The following KIF26B variants were observed in gnomAD, a reference collection of about 807,000 sequenced individuals.
KIF26B encodes the protein kinesin family member 26B.
A neutral mutation model predicts 151.2 loss-of-function variants in KIF26B; 63 were observed. The ratio of observed to expected loss-of-function variants is 0.42; its 90% CI spans 0.34 to 0.51. The LOEUF is 0.51. KIF26B is among the 20% of genes least tolerant of loss of function. The pLI, the probability that KIF26B is intolerant of heterozygous loss-of-function variation, is 0.07. For synonymous variants in KIF26B, 1,357 were observed against 1,262.1 expected, an observed-to-expected ratio of 1.08 and a Z score of -1.59; for missense variants, 2,813 against 2,913.6, an observed-to-expected ratio of 0.97 and a Z score of 0.79.
At chr1:245,169,667 A>G (rs1022459666) in intron 2 of KIF26B, among the ~76,000 whole-genome samples, 16 of 151,756 alleles carry the variant, frequency 1.1e-4, no homozygotes, top group African/African-American at 3.9e-4. Flanking sequence ...CCAATGAGGC[A>G]CTCTGCTTCC....
intron 2 of KIF26B, among the ~76,000 whole-genome samples, chr1:245,287,584 A>G (rs1441902487): frequency 6.7e-6 from 1 of 149,288 alleles, no homozygotes; most frequent in Non-Finnish European, 1.5e-5. Context: ...GCTCACCGCA[A>G]CCGCCACCTC....
At chr1:245,522,331 TGTTA>T (rs1168534076) in intron 4 of KIF26B, among the ~76,000 whole-genome samples, 5 of 148,242 alleles carry the variant, frequency 3.4e-5, no homozygotes, top group East Asian at 2.0e-4. Flanking sequence ...GGGCCAGCTG[TGTTA>T]GTTAGCTTAA....
At chr1:245,648,037 G>A (rs146736614) in intron 10 of KIF26B, among the ~76,000 whole-genome samples, 1 of 152,358 alleles carries the variant, frequency 6.6e-6, no homozygotes, top group African/African-American at 2.4e-5. Flanking sequence ...AACCGTTGGA[G>A]TTGGAGATGA....
intron 7 of KIF26B, among the ~76,000 whole-genome samples, chr1:245,608,878 A>G (rs538434155): frequency 1.6e-4 from 24 of 152,064 alleles, no homozygotes; most frequent in Non-Finnish European, 2.9e-4. Flanking sequence ...CAGCTTCCCA[A>G]GTAGCTGGGG....
Position 245,687,086 on chromosome 1 carries a change from C to A in KIF26B, c.4103C>A (p.Ala1368Asp). ...KGCKISTVSKAMVTISNTANL... is the reference protein window; with the variant it reads ...KGCKISTVSKDMVTISNTANL... ...TGCAAAATATCCACAGTGAGCAAGG[C>A]CATGGTCACCATCTCCAACACGGCC... The change falls in exon 12 of 15, where the codon GCC becomes GAC. Residue 1368 changes from alanine (A) to aspartate (D), a missense_variant. By Grantham distance (126) the Ala-to-Asp change is moderately radical (BLOSUM62 -2). This residue lies in a region of KIF26B where 2,060 missense variants were observed against 2,088.6 expected (regional missense o/e 0.99). Coordinates refer to ENST00000407071, the MANE Select transcript of KIF26B (RefSeq NM_018012.4). This position sits in a 1 kb window ranked among gnomAD's most constrained non-coding sequence, Gnocchi z 4.9. The A allele has an allele frequency of 1.2e-6, 2 of 1,613,438 alleles. No homozygotes were observed. Among genetic ancestry groups the A allele is most frequent in the Non-Finnish European group, 1.7e-6 (2 of 1,179,834 alleles).
At chr1:245,378,941 G>T (rs2103016508) in intron 3 of KIF26B, among the ~76,000 whole-genome samples, 1 of 152,256 alleles carries the variant, frequency 6.6e-6, no homozygotes, top group East Asian at 1.9e-4. Flanking sequence ...TGCATACTTA[G>T]TGCTGTGTGT....
At chr1:245,546,577 A>G (rs189540771) in intron 5 of KIF26B, among the ~76,000 whole-genome samples, 2 of 152,360 alleles carry the variant, frequency 1.3e-5, no homozygotes, top group Non-Finnish European at 2.9e-5. Flanking sequence ...CAGAATTAAC[A>G]TCTTTACTTC....
rs560413028 is a variant in KIF26B at position 245,155,337 on chromosome 1, C to T, written c.-88C>T. 6.1e-6 allele frequency: 7 copies of T among 1,142,990 alleles called. No individual in the cohort carries two copies. The East Asian group carries it at 7.7e-5, about 13-fold the overall frequency. The allele number at this position is 1,142,990 out of a possible 1,614,324, so 70.8% of individuals were successfully genotyped here. A position where few individuals can be genotyped will look rare whatever the true frequency, so the allele number is the denominator to read the frequency against. ...GCCCTGAGGGCTGAGAGCCAGCCCC[C>T]TGCAGCCGGGGGACGCTTCTGGGTT... On this transcript the variant is annotated 5_prime_UTR_variant, in exon 1 of 15. Transcript: ENST00000407071.
At chr1:245,319,914 C>T (rs547121659) in intron 2 of KIF26B, among the ~76,000 whole-genome samples, 35 of 152,216 alleles carry the variant, frequency 2.3e-4, no homozygotes, top group African/African-American at 7.9e-4. Context: ...TCCTTACGTG[C>T]GAATGATTTG....
intron 2 of KIF26B, among the ~76,000 whole-genome samples, chr1:245,342,472 C>G (rs1190298544): frequency 6.6e-6 from 1 of 152,150 alleles, no homozygotes; most frequent in Admixed American, 6.5e-5. Context: ...GAGAATGGGA[C>G]CGTCACCCAC....
chr1:245,639,425 T>C (rs2043865340), intron 9 of KIF26B, among the ~76,000 whole-genome samples: 1 of 151,836 alleles, frequency 6.6e-6, no homozygotes, highest in African/African-American at 2.4e-5. Context: ...AACTTTTTAT[T>C]TTGTTGGGGT....
chr1:245,579,573 G>C (rs1056042942), intron 5 of KIF26B, among the ~76,000 whole-genome samples: 1 of 152,238 alleles, frequency 6.6e-6, no homozygotes, highest in Non-Finnish European at 1.5e-5. Flanking sequence ...ACTTTGGGAG[G>C]CTGAGGCGGG....
intron 9 of KIF26B, among the ~76,000 whole-genome samples, chr1:245,619,603 C>CAAAAAAAAA (rs34022501): frequency 1.7e-4 from 19 of 110,750 alleles, no homozygotes; most frequent in African/African-American, 3.9e-4. Flanking sequence ...GAAACTGTTT[C>CAAAAAAAAA]AAAAAAAAAA....
chr1:245,319,597 T>C (rs1012257630), intron 2 of KIF26B, among the ~76,000 whole-genome samples: 2 of 152,202 alleles, frequency 1.3e-5, no homozygotes, highest in Non-Finnish European at 2.9e-5. Flanking sequence ...CTCCAAACTT[T>C]GTCCTCTCGT....
chr1:245,618,530 A>G (rs1273818328), intron 9 of KIF26B, among the ~76,000 whole-genome samples: 2 of 144,542 alleles, frequency 1.4e-5, no homozygotes, highest in African/African-American at 2.6e-5. Flanking sequence ...GGTCCTTGAG[A>G]CAGAGTGCCA....
intron 10 of KIF26B, among the ~76,000 whole-genome samples, chr1:245,649,930 G>A (rs1402602747): frequency 6.6e-6 from 1 of 152,212 alleles, no homozygotes; most frequent in Non-Finnish European, 1.5e-5. Flanking sequence ...CATGTGCGCT[G>A]AATGCTTCTG....
chr1:245,413,279 A>T (rs540330458), intron 3 of KIF26B, among the ~76,000 whole-genome samples: 1 of 152,350 alleles, frequency 6.6e-6, no homozygotes, highest in African/African-American at 2.4e-5. Context: ...AGGTTTTCTC[A>T]GGAAGAATCA....
chr1:245,612,117 A>G, intron 9 of KIF26B, 141 bp downstream of exon 9: 5 of 779,462 alleles, frequency 6.4e-6, no homozygotes, highest in South Asian at 1.8e-5. Flanking sequence ...AGAGAGAGAG[A>G]GAGAGAGAGA....
At position 245,606,250 on chromosome 1, in the gene KIF26B, G is replaced by A. The variant is rs1364267814; in HGVS notation, c.1558-1401G>A. ...GGAACAAGTGACAGCTGTTGGAAGT[G>A]TGGTTTTTCAATTTTAGTTTAGGAG... On this transcript the variant is annotated intron_variant, in intron 6 of 14. Coordinates refer to ENST00000407071, the MANE Select transcript of KIF26B (RefSeq NM_018012.4). This position sits in a 1 kb window ranked among gnomAD's most constrained non-coding sequence, Gnocchi z 4.6. Among the ~76,000 whole-genome samples the A allele has an allele frequency of 2.6e-5, 4 of 152,168 alleles. No homozygotes were observed. The highest frequency in any genetic ancestry group is 6.5e-5 in the Admixed American group (1 of 15,288).
Sources: allele counts gnomAD v4.1 joint callset (sites outside exome capture counted in the v4.1 genomes callset), GRCh38; gene constraint gnomAD v4.1.1; regional missense constraint gnomAD v4.1.1; non-coding constraint Gnocchi (gnomAD v3.1); transcripts MANE v1.5; gene names NCBI Gene and HGNC (gene_info 2026-07-23, HGNC 2026-07-21).